Variants in SEMA6D observed in about 807,000 individuals in gnomAD.
SEMA6D encodes the protein semaphorin-6D.
Under a neutral mutation model 106.6 loss-of-function variants are expected in SEMA6D, and 35 were observed. The ratio of observed to expected loss-of-function variants is 0.33; its 90% CI spans 0.25 to 0.44. The LOEUF is 0.44. SEMA6D is among the 20% of genes least tolerant of loss of function. SEMA6D has a pLI of 1.00. For missense variants in SEMA6D, 1,185 were observed against 1,345.9 expected, an observed-to-expected ratio of 0.88 and a Z score of 1.87; for synonymous variants, 499 against 487.7, an observed-to-expected ratio of 1.02 and a Z score of -0.31.
chr15:47,222,782 A>G (rs1829126720), intron 1 of SEMA6D, among the ~76,000 whole-genome samples: 2 of 152,218 alleles, frequency 1.3e-5, no homozygotes, highest in Non-Finnish European at 2.9e-5. Flanking sequence ...ACAGATGCCC[A>G]GTCTCTTCCA....
intron 4 of SEMA6D, among the ~76,000 whole-genome samples, chr15:47,684,527 C>T (rs1283587249): frequency 6.6e-6 from 1 of 152,036 alleles, no homozygotes; most frequent in Non-Finnish European, 1.5e-5. Flanking sequence ...ATGTAAGCTC[C>T]ATAATAGCAG....
chr15:47,546,367 CTAATT>C lies in SEMA6D; in HGVS notation c.-86-54494_-86-54490del, dbSNP rs545226868. ...TAGAAAGTAATATAGCACTGGGACT[CTAATT>C]TAAATTTGCCTGATTCATAAATTGA... On this transcript the variant is annotated intron_variant, in intron 3 of 19. Transcript: ENST00000558014. Among the ~76,000 whole-genome samples, 131 of 152,210 alleles carry C rather than the reference CTAATT, an allele frequency of 8.6e-4. 1 individual carries two copies. The highest frequency in any genetic ancestry group is 1.2e-3 in the Non-Finnish European group (83 of 68,010).
Position 47,703,047 on chromosome 15 carries a change from G to A in SEMA6D, c.-54-56698G>A, listed in dbSNP as rs139662680. Among the ~76,000 whole-genome samples the A allele has an allele frequency of 4.1e-3, 626 of 152,248 alleles. 2 individuals carry two copies. The highest frequency in any genetic ancestry group is 0.014 in the African/African-American group (599 of 41,552). On this transcript the variant is annotated intron_variant, in intron 4 of 19. Coordinates refer to the SEMA6D transcript ENST00000558014. ...ACAAAAAAACAGATGGAAAGATTTT[G>A]TACATAGCTCTATGTGAAAATGTAT...
intron 1 of SEMA6D, among the ~76,000 whole-genome samples, chr15:47,204,980 C>T (rs1894961145): frequency 6.6e-6 from 1 of 152,036 alleles, no homozygotes; most frequent in Non-Finnish European, 1.5e-5. Flanking sequence ...TATTTAGCAC[C>T]TACTATGCTT....
At position 47,281,241 on chromosome 15, in the gene SEMA6D, GTT is replaced by G. The variant is rs565828761; in HGVS notation, c.-239+96824_-239+96825del. Among the ~76,000 whole-genome samples, 299 of 136,066 alleles carry G rather than the reference GTT, an allele frequency of 2.2e-3. 1 individual carries two copies. The highest frequency in any genetic ancestry group is 3.1e-3 in the Non-Finnish European group (194 of 63,518). 89.3% of individuals were successfully genotyped at this position (136,066 alleles called of 152,430 possible). On this transcript the variant is annotated intron_variant, in intron 1 of 19. Coordinates refer to the SEMA6D transcript ENST00000558014. ...ATTGGGTGCATATATATTTAGGATA[GTT>G]ATCTCTTCTTGTTGAATTGATCCCT...
At chr15:47,205,575 TTAC>T (rs1436940582) in intron 1 of SEMA6D, among the ~76,000 whole-genome samples, 2 of 152,164 alleles carry the variant, frequency 1.3e-5, no homozygotes, top group African/African-American at 4.8e-5. Context: ...ATAAAAATGA[TTAC>T]TATCAAATAT....
intron 3 of SEMA6D, among the ~76,000 whole-genome samples, chr15:47,531,392 C>T (rs2044960235): frequency 1.3e-5 from 2 of 152,190 alleles, no homozygotes; most frequent in African/African-American, 4.8e-5. Flanking sequence ...TATATTTGGT[C>T]TTTCATTACA....
chr15:47,440,989 G>C (rs774388328), intron 2 of SEMA6D, among the ~76,000 whole-genome samples: 1 of 152,020 alleles, frequency 6.6e-6, no homozygotes, highest in African/African-American at 2.4e-5. Context: ...TGTGTAACTT[G>C]CTCCTTCTTC....
At chr15:47,403,332 C>T (rs2059224137) in intron 1 of SEMA6D, among the ~76,000 whole-genome samples, 1 of 152,138 alleles carries the variant, frequency 6.6e-6, no homozygotes, top group South Asian at 2.1e-4. Flanking sequence ...GCAATGACTG[C>T]CATGCAGACA....
intron 3 of SEMA6D, among the ~76,000 whole-genome samples, chr15:47,471,901 T>C (rs2042849785): frequency 7.1e-6 from 1 of 141,194 alleles, no homozygotes; most frequent in South Asian, 2.4e-4. Context: ...CTGGCTGTGC[T>C]CTTTCTCTCT....
chr15:47,526,172 G>A lies in SEMA6D; in HGVS notation c.-87+55627G>A, dbSNP rs541083234. On this transcript the variant is annotated intron_variant, in intron 3 of 19. Coordinates refer to the SEMA6D transcript ENST00000558014. ...TTGCTTCCTTCCCTGCTACCAGCTG[G>A]TACCCCATTCCTGCAGGACTTTGCT... Among the ~76,000 whole-genome samples, 7 of 152,208 alleles carry A rather than the reference G, an allele frequency of 4.6e-5. 1 individual carries two copies. The highest frequency in any genetic ancestry group is 1.7e-4 in the African/African-American group (7 of 41,522).
At chr15:47,682,119 G>A (rs867585249) in intron 4 of SEMA6D, among the ~76,000 whole-genome samples, 5 of 151,888 alleles carry the variant, frequency 3.3e-5, no homozygotes, top group African/African-American at 4.8e-5. Context: ...TTTTCTCAAC[G>A]AGTTACTATG....
chr15:47,243,456 C>T (rs62013997), intron 1 of SEMA6D, among the ~76,000 whole-genome samples: 12 of 150,368 alleles, frequency 8.0e-5, no homozygotes, highest in Middle Eastern at 3.2e-3. Flanking sequence ...ATGATTTAAT[C>T]GGAACCCAGC....
chr15:47,303,369 T>G (rs1375091544), intron 1 of SEMA6D, among the ~76,000 whole-genome samples: 2 of 152,236 alleles, frequency 1.3e-5, no homozygotes, highest in African/African-American at 4.8e-5. Flanking sequence ...CTGCATTTAC[T>G]GTTCCAGTTT....
chr15:47,334,985 G>T (rs1333068723), intron 1 of SEMA6D, among the ~76,000 whole-genome samples: 1 of 152,188 alleles, frequency 6.6e-6, no homozygotes, highest in Non-Finnish European at 1.5e-5. Flanking sequence ...CCTTGAGGCT[G>T]TACTAAGGTC....
At chr15:47,557,527 G>A (rs1405008626) in intron 3 of SEMA6D, among the ~76,000 whole-genome samples, 1 of 152,104 alleles carries the variant, frequency 6.6e-6, no homozygotes, top group African/African-American at 2.4e-5. Flanking sequence ...CATAGTGCTT[G>A]GCCACCTGCC....
intron 1 of SEMA6D, among the ~76,000 whole-genome samples, chr15:47,232,726 CTTTG>C (rs753522474): frequency 5.3e-4 from 80 of 150,548 alleles, no homozygotes; most frequent in Non-Finnish European, 8.7e-4. Flanking sequence ...CATTCATATA[CTTTG>C]TTTGAAAAAA....
At chr15:47,360,176 G>C (rs923527152) in intron 1 of SEMA6D, 1 of 152,074 alleles carries the variant, frequency 6.6e-6, no homozygotes, top group Non-Finnish European at 1.5e-5. Flanking sequence ...AAAACTTAAT[G>C]AATCCTTAAG....
At chr15:47,613,235 G>T (rs761118136) in intron 4 of SEMA6D, among the ~76,000 whole-genome samples, 2 of 152,200 alleles carry the variant, frequency 1.3e-5, no homozygotes, top group East Asian at 1.9e-4. Flanking sequence ...ACCTTCAATT[G>T]GTGGAAGGGT....
Sources: gnomAD v4.1 joint callset for allele counts (sites outside exome capture counted in the v4.1 genomes callset) on GRCh38, gnomAD v4.1.1 for gene constraint, MANE v1.5 for transcripts, NCBI Gene and HGNC (gene_info 2026-07-23, HGNC 2026-07-21) for gene names.